The following CHP1 variants were observed in gnomAD, a reference collection of about 807,000 sequenced individuals.
CHP1 encodes the protein calcineurin B homologous protein 1.
CHP1 carries 11 observed loss-of-function variants against 27.4 expected under a neutral mutation model. That is an observed-to-expected ratio of 0.40 (90% CI 0.25 to 0.67). The LOEUF is 0.67. Ranked by LOEUF, CHP1 falls within the 30% of genes least tolerant of loss-of-function variation. CHP1 has a pLI of 0.38. For missense variants in CHP1, 169 were observed against 251.3 expected (o/e 0.67, Z 2.22); for synonymous variants, 89 against 87.4 (o/e 1.02, Z -0.10).
chr15:41,234,740 T>C (rs1489039297), intron 1 of CHP1, among the ~76,000 whole-genome samples: 1 of 152,214 alleles, frequency 6.6e-6, no homozygotes, highest in Non-Finnish European at 1.5e-5. Context: ...AGATGAATTA[T>C]GCAAACTACT....
rs183645404 is a variant in CHP1 at position 41,241,753 on chromosome 15, A to C, written c.68-1914A>C. Among the ~76,000 whole-genome samples, 594 of 152,280 alleles carry C rather than the reference A, an allele frequency of 3.9e-3. 4 individuals carry two copies. Among genetic ancestry groups the C allele is most frequent in the South Asian group, 0.022 (107 of 4,826 alleles). On this transcript the variant is annotated intron_variant, in intron 1 of 6. Transcript: ENST00000334660. ...CACACATAGTGTGTCCTCTTATCCC[A>C]GCTCTGGGCCACTCACTACCTGCTT...
chr15:41,253,423 GTATTTATT>G (rs71732753), intron 2 of CHP1, among the ~76,000 whole-genome samples: 35,968 of 145,184 alleles, frequency 0.25, 4,455 homozygotes, highest in Non-Finnish European at 0.26. Context: ...AGTTGACAAA[GTATTTATT>G]TATTTATTTA....
At chr15:41,262,684 CAGT>C in intron 3 of CHP1, 69 bp from the exon 4 acceptor site, 2 of 1,577,028 alleles carry the variant, frequency 1.3e-6, no homozygotes, top group Non-Finnish European at 1.7e-6. Flanking sequence ...AAGCTGTTGC[CAGT>C]ATATTTAATT....
At chr15:41,270,670 G>T (rs763906212) in intron 5 of CHP1, 52 bp downstream of exon 5, 1 of 1,339,586 alleles carries the variant, frequency 7.5e-7, no homozygotes, top group Non-Finnish European at 1.1e-6. Flanking sequence ...CTGCTTATTA[G>T]TGTGGGCAGG....
chr15:41,231,388 T>C lies in CHP1; in HGVS notation c.6T>C (p.Gly2=). Residue 2 remains glycine (G), a synonymous_variant, in exon 1 of 7, where the codon GGT becomes GGC. Coordinates refer to ENST00000334660, the MANE Select transcript of CHP1 (RefSeq NM_007236.5). ...GAGGAGCTCCCGGCACGGCGATGGG[T>C]TCTCGGGCCTCCACGTTACTGCGGG... The part of the protein sequence containing the change: M[G]SRASTLLRDE... 1 of 1,600,628 alleles carries C rather than the reference T, an allele frequency of 6.2e-7. No homozygotes were observed. The highest frequency in any genetic ancestry group is 1.1e-5 in the South Asian group (1 of 88,490).
intron 4 of CHP1, among the ~76,000 whole-genome samples, chr15:41,266,143 C>T (rs2047459052): frequency 1.3e-5 from 2 of 152,006 alleles, no homozygotes; most frequent in Non-Finnish European, 2.9e-5. Context: ...ATTAGCCAGG[C>T]ATGGTGGTGC....
In CHP1 at chr15:41,231,301, T is replaced by C. The variant is rs1170886826; in HGVS notation, c.-82T>C. On this transcript the variant is annotated 5_prime_UTR_variant, in exon 1 of 7. Transcript: ENST00000334660. ...CACTGCCCTCTCCCTTCTTGACCCC[T>C]AGCCCTTCCTTCCCTCCCTCCTTCC... 7.4e-7 allele frequency: 1 copy of C among 1,352,708 alleles called. No individual in the cohort carries two copies. Among genetic ancestry groups the C allele is most frequent in the African/African-American group, 1.4e-5 (1 of 69,154 alleles). The allele number at this position is 1,352,708 out of a possible 1,614,324, so 83.8% of individuals were successfully genotyped here.
At chr15:41,271,811 C>T (rs1555421494) in intron 5 of CHP1, among the ~76,000 whole-genome samples, 1 of 152,230 alleles carries the variant, frequency 6.6e-6, no homozygotes, top group Non-Finnish European at 1.5e-5. Context: ...GTGTTAGCGT[C>T]CCTTGCTTTT....
intron 3 of CHP1, among the ~76,000 whole-genome samples, chr15:41,258,019 C>T (rs767412658): frequency 3.9e-5 from 6 of 152,140 alleles, no homozygotes; most frequent in Non-Finnish European, 8.8e-5. Context: ...CTCTACATAC[C>T]CTCTCTTGCA....
At chr15:41,257,075 T>C (rs2047404138) in intron 3 of CHP1, 85 bp downstream of exon 3, 16 of 1,059,800 alleles carry the variant, frequency 1.5e-5, no homozygotes, top group Middle Eastern at 2.1e-4. Context: ...ATATTGGTTG[T>C]GCCATCTCAG....
chr15:41,257,193 C>T (rs1239526189), intron 3 of CHP1, among the ~76,000 whole-genome samples: 1 of 152,068 alleles, frequency 6.6e-6, no homozygotes, highest in African/African-American at 2.4e-5. Context: ...GATATATGAG[C>T]CTATCTTCAA....
chr15:41,262,930 T>C, intron 4 of CHP1, 47 bp downstream of exon 4: 2 of 1,606,254 alleles, frequency 1.2e-6, no homozygotes, highest in Non-Finnish European at 8.5e-7. Flanking sequence ...TTTTCATTTC[T>C]TAAAAGTCAT....
chr15:41,249,559 G>A lies in CHP1; in HGVS notation c.140+5820G>A, dbSNP rs150838124. Among the ~76,000 whole-genome samples the A allele has an allele frequency of 2.7e-3, 355 of 129,598 alleles. 15 individuals are homozygous for A. The East Asian group carries it at 0.077, about 28-fold the overall frequency. The allele number at this position is 129,598 out of a possible 152,430, so 85.0% of individuals were successfully genotyped here. ...ACGATCTCGGCTCACTGCAACCTCCGCCTCCCGGGTTCATGCCATTCTCAT... is the reference window on the plus strand; with the variant it reads ...ACGATCTCGGCTCACTGCAACCTCCACCTCCCGGGTTCATGCCATTCTCAT... On this transcript the variant is annotated intron_variant, in intron 2 of 6. Transcript: ENST00000334660.
At chr15:41,265,584 G>A (rs1234916059) in intron 4 of CHP1, among the ~76,000 whole-genome samples, 15 of 151,612 alleles carry the variant, frequency 9.9e-5, no homozygotes, top group African/African-American at 2.9e-4. Context: ...GGTGGCGGGC[G>A]CCTGTAATCT....
chr15:41,275,238 A>G (rs528407276), intron 5 of CHP1, among the ~76,000 whole-genome samples: 1 of 151,408 alleles, frequency 6.6e-6, no homozygotes, highest in Non-Finnish European at 1.5e-5. Context: ...GCTCACTGCA[A>G]CCTCCACCTT....
At chr15:41,265,300 G>C (rs1224074093) in intron 4 of CHP1, among the ~76,000 whole-genome samples, 1 of 146,994 alleles carries the variant, frequency 6.8e-6, no homozygotes, top group Non-Finnish European at 1.5e-5. Context: ...GGAGGTGGAG[G>C]CTACAGTGAG....
intron 2 of CHP1, among the ~76,000 whole-genome samples, chr15:41,249,462 CTTTTTTTTTTTTTT>C (rs1163537727): frequency 3.8e-5 from 3 of 78,480 alleles, no homozygotes; most frequent in East Asian, 3.6e-4. Context: ...CCTTCACCTT[CTTTTTTTTTTTTTT>C]TTTTTTTTTT....
intron 4 of CHP1, among the ~76,000 whole-genome samples, chr15:41,267,584 C>T (rs1404943994): frequency 1.3e-5 from 2 of 151,720 alleles, no homozygotes; most frequent in Non-Finnish European, 2.9e-5. Flanking sequence ...ATTGCTTGAA[C>T]CCGGGAGGCA....
At chr15:41,269,618 C>T (rs2047478926) in intron 4 of CHP1, among the ~76,000 whole-genome samples, 1 of 152,174 alleles carries the variant, frequency 6.6e-6, no homozygotes, top group South Asian at 2.1e-4. Flanking sequence ...TTAGGATGTA[C>T]TCGAGAGTCG....
Sources: allele counts gnomAD v4.1 joint callset (sites outside exome capture counted in the v4.1 genomes callset), GRCh38; gene constraint gnomAD v4.1.1; transcripts MANE v1.5; gene names NCBI Gene and HGNC (gene_info 2026-07-23, HGNC 2026-07-21).